The following HECTD2 variants were observed in gnomAD, a reference collection of about 807,000 sequenced individuals.
HECTD2 encodes HECT domain E3 ubiquitin protein ligase 2.
Under a neutral mutation model 103.2 loss-of-function variants are expected in HECTD2, and 35 were observed. The observed-to-expected ratio is 0.34, with a 90% CI of 0.26 to 0.45. HECTD2 has a LOEUF of 0.45. Ranked by LOEUF, HECTD2 falls within the 20% of genes least tolerant of loss-of-function variation. The pLI is 1.00. For synonymous variants in HECTD2, 281 were observed against 329.9 expected (o/e 0.85, Z 1.61); for missense variants, 596 against 937.4 (o/e 0.64, Z 4.76).
intron 1 of HECTD2, among the ~76,000 whole-genome samples, chr10:91,412,855 G>C (rs79870737): frequency 0.046 from 6,980 of 152,078 alleles, 408 homozygotes; most frequent in African/African-American, 0.13. Flanking sequence ...GAAGGCCTTG[G>C]TATGTGTGGG....
chr10:91,510,931 A>G (rs1454279954), intron 20 of HECTD2, among the ~76,000 whole-genome samples: 3 of 152,154 alleles, frequency 2.0e-5, no homozygotes, highest in African/African-American at 7.2e-5. Flanking sequence ...GTATATTTAC[A>G]TGTCTATTTT....
At chr10:91,435,803 G>A (rs1246357472) in intron 2 of HECTD2, among the ~76,000 whole-genome samples, 1 of 151,850 alleles carries the variant, frequency 6.6e-6, no homozygotes, top group Non-Finnish European at 1.5e-5. Flanking sequence ...GAATTATTTT[G>A]TTGATGATTT....
At chr10:91,459,981 G>A (rs759546780) in intron 2 of HECTD2, among the ~76,000 whole-genome samples, 1 of 152,088 alleles carries the variant, frequency 6.6e-6, no homozygotes, top group Non-Finnish European at 1.5e-5. Context: ...TGTCCACACA[G>A]TGACAAAATT....
Position 91,500,485 on chromosome 10 carries a change from T to A in HECTD2, c.1951-17T>A. On this transcript the variant is annotated splice_polypyrimidine_tract_variant and intron_variant, in intron 18 of 20. Coordinates refer to ENST00000298068, the MANE Select transcript of HECTD2 (RefSeq NM_182765.6). ...ATCACTCTTTAATTATTGTTTTTGA[T>A]AAATAATTATTGGCAGCTGCTTCGT... is the stretch of plus-strand genomic sequence containing the variant. 1 of 1,235,250 alleles carries A rather than the reference T, an allele frequency of 8.1e-7. No individual in the cohort carries two copies. The highest frequency in any genetic ancestry group is 1.2e-6 in the Non-Finnish European group (1 of 836,266). 76.5% of individuals were successfully genotyped at this position (1,235,250 alleles called of 1,614,324 possible).
intron 5 of HECTD2, among the ~76,000 whole-genome samples, chr10:91,470,988 AC>A (rs1845704403): frequency 6.8e-6 from 1 of 146,952 alleles, no homozygotes; most frequent in Non-Finnish European, 1.5e-5. Context: ...ACACACACAC[AC>A]GCACACACAC....
rs570032619 is a variant in HECTD2 at position 91,481,969 on chromosome 10, A to G, written c.711+830A>G. Among the ~76,000 whole-genome samples, 36 of 151,900 alleles carry G rather than the reference A, an allele frequency of 2.4e-4. 1 individual carries two copies. The highest frequency in any genetic ancestry group is 2.2e-3 in the Admixed American group (34 of 15,254). On this transcript the variant is annotated intron_variant, in intron 7 of 20. Transcript: ENST00000298068. ...GAGGAAAAAGTGGAAAAGGGGGGAA[A>G]ATGACCAAGAGGTAGTTAAGAAGAG...
At chr10:91,502,491 A>G (rs1846941958) in intron 20 of HECTD2, among the ~76,000 whole-genome samples, 2 of 152,202 alleles carry the variant, frequency 1.3e-5, no homozygotes, top group African/African-American at 4.8e-5. Flanking sequence ...GAAAGAGGTT[A>G]TGCCTTATAC....
intron 6 of HECTD2, among the ~76,000 whole-genome samples, chr10:91,480,471 A>G (rs542614231): frequency 3.9e-5 from 6 of 152,138 alleles, no homozygotes; most frequent in East Asian, 1.9e-4. Flanking sequence ...ACCATTTTCA[A>G]TTGAAGAAGT....
In HECTD2 at chr10:91,512,376, C is replaced by G. The variant is rs140098027; in HGVS notation, c.2323C>G (p.Leu775Val). 1 of 1,612,660 alleles carries G rather than the reference C, an allele frequency of 6.2e-7. No individual in the cohort carries two copies. The highest frequency in any genetic ancestry group is 8.5e-7 in the Non-Finnish European group (1 of 1,179,094). ...IGISNSEGFGLE is the reference protein window; with the variant it reads ...IGISNSEGFGVE The stretch of plus-strand genomic sequence containing the variant: ...AATTTCAAATTCAGAAGGTTTTGGA[C>G]TTGAGTAACCTAGAAGACTTGAAAT... Residue 775 changes from leucine to valine, a missense_variant, in exon 21 of 21, where the codon CTT (leucine) becomes GTT (valine). Physicochemically the swap from Leu to Val is conservative, Grantham distance 32. Transcript: ENST00000298068.
rs373344630 is a variant in HECTD2 at position 91,485,223 on chromosome 10, T to C, written c.1014T>C (p.Thr338=). ...NLVHPPLIPY[T]DFYNSTLDHI... ...TTCACCCTCCCCTTATTCCTTATACTGATTTCTATAATTCTACATTGGATC... is the reference window on the plus strand; with the variant it reads ...TTCACCCTCCCCTTATTCCTTATACCGATTTCTATAATTCTACATTGGATC... The change falls in exon 10 of 21, where the codon ACT becomes ACC. Residue 338 remains threonine (T), a synonymous_variant. Transcript: ENST00000298068. The C allele has an allele frequency of 6.0e-5, 95 of 1,579,596 alleles. No homozygotes were observed. The highest frequency in any genetic ancestry group is 7.9e-5 in the Non-Finnish European group (91 of 1,156,786).
chr10:91,415,566 G>A (rs1843092767), intron 1 of HECTD2, among the ~76,000 whole-genome samples: 1 of 152,170 alleles, frequency 6.6e-6, no homozygotes, highest in Non-Finnish European at 1.5e-5. Context: ...GTCAGGTTAT[G>A]TGTACCTTGC....
At chr10:91,434,668 C>T (rs1460698695) in intron 2 of HECTD2, among the ~76,000 whole-genome samples, 1 of 151,906 alleles carries the variant, frequency 6.6e-6, no homozygotes, top group Non-Finnish European at 1.5e-5. Context: ...CTCCTACACC[C>T]ATGTGAATTT....
At chr10:91,484,066 A>G (rs1846185275) in intron 8 of HECTD2, 2 of 385,308 alleles carry the variant, frequency 5.2e-6, no homozygotes, top group East Asian at 9.4e-5. Flanking sequence ...GGACACTTGC[A>G]AAGAGAGAGT....
chr10:91,462,853 A>G (rs1332036952), intron 5 of HECTD2: 3 of 717,222 alleles, frequency 4.2e-6, no homozygotes, highest in Admixed American at 1.3e-4. Flanking sequence ...CCATAAGCAT[A>G]CTGTATCCTT....
intron 1 of HECTD2, among the ~76,000 whole-genome samples, chr10:91,420,620 C>T (rs887221801): frequency 5.3e-5 from 8 of 151,614 alleles, no homozygotes; most frequent in African/African-American, 1.9e-4. Context: ...AAAAGAAAAT[C>T]AGTCTACTAT....
At chr10:91,439,731 CTTTG>C (rs1179447105) in intron 2 of HECTD2, among the ~76,000 whole-genome samples, 1 of 151,952 alleles carries the variant, frequency 6.6e-6, no homozygotes, top group Non-Finnish European at 1.5e-5. Flanking sequence ...ATGTTTTTCC[CTTTG>C]TTTGTGTCCT....
At chr10:91,464,644 C>T (rs1845465783) in intron 5 of HECTD2, 2 of 157,566 alleles carry the variant, frequency 1.3e-5, no homozygotes, top group South Asian at 1.8e-4. Flanking sequence ...TTGAGTATTT[C>T]TCTTTACTAT....
chr10:91,437,714 C>A (rs1378323124), intron 2 of HECTD2, among the ~76,000 whole-genome samples: 1 of 137,856 alleles, frequency 7.3e-6, no homozygotes, highest in African/African-American at 2.7e-5. Context: ...AATTAAAAAT[C>A]AGTTTTTTAT....
intron 20 of HECTD2, among the ~76,000 whole-genome samples, chr10:91,506,211 G>C (rs1382180345): frequency 2.0e-5 from 3 of 149,830 alleles, no homozygotes; most frequent in Non-Finnish European, 4.5e-5. Flanking sequence ...ACAATTAAAA[G>C]AACTAGAAAA....
Sources: gnomAD v4.1 joint callset for allele counts (sites outside exome capture counted in the v4.1 genomes callset) on GRCh38, gnomAD v4.1.1 for gene constraint, MANE v1.5 for transcripts, NCBI Gene and HGNC (gene_info 2026-07-23, HGNC 2026-07-21) for gene names.